Variants in ESR1 observed in about 807,000 individuals in gnomAD.
ESR1 encodes the protein estrogen receptor.
ESR1 carries 12 observed loss-of-function variants against 52.7 expected under a neutral mutation model. The ratio of observed to expected loss-of-function variants is 0.23; its 90% CI spans 0.15 to 0.37. ESR1 has a LOEUF of 0.37. Among genes scored for constraint, ESR1 ranks in the 10% least tolerant of loss-of-function variants. The pLI is 1.00. For missense variants in ESR1, 584 were observed against 779.7 expected (o/e 0.75, Z 2.99); for synonymous variants, 305 against 316.8 (o/e 0.96, Z 0.39).
At chr6:151,993,674 T>A (rs2041230531) in intron 4 of ESR1, among the ~76,000 whole-genome samples, 2 of 152,230 alleles carry the variant, frequency 1.3e-5, no homozygotes, top group South Asian at 4.1e-4. Flanking sequence ...TAACTTGCTT[T>A]ATTAACCAAT....
At chr6:151,907,038 C>T (rs755836397) in intron 3 of ESR1, among the ~76,000 whole-genome samples, 17 of 152,006 alleles carry the variant, frequency 1.1e-4, no homozygotes, top group Non-Finnish European at 1.9e-4. Flanking sequence ...AAGCTACCTC[C>T]ATTAGGCATG....
chr6:152,073,102 T>C (rs9397484), intron 6 of ESR1, among the ~76,000 whole-genome samples: 31,237 of 152,208 alleles, frequency 0.21, 4,426 homozygotes, highest in African/African-American at 0.39. Flanking sequence ...ACAGAAGCTT[T>C]AATTACAAAT....
At chr6:151,705,713 C>T (rs1780138358) in intron 2 of ESR1, among the ~76,000 whole-genome samples, 1 of 152,094 alleles carries the variant, frequency 6.6e-6, no homozygotes, top group Admixed American at 6.5e-5. Context: ...TTGCTTTAAT[C>T]TTGTCTCTAA....
intron 6 of ESR1, among the ~76,000 whole-genome samples, chr6:152,113,754 A>G (rs186852437): frequency 1.3e-5 from 2 of 152,332 alleles, no homozygotes; most frequent in South Asian, 2.1e-4. Context: ...AAATAGCGTT[A>G]ACTGTCCCTC....
chr6:152,096,521 C>A, intron 7 of ESR1: 1 of 408,510 alleles, frequency 2.4e-6, no homozygotes, highest in South Asian at 1.8e-5. Flanking sequence ...GGTATATGCC[C>A]CCAACATTAC....
chr6:151,802,674 A>G (rs77480311), upstream of ESR1, among the ~76,000 whole-genome samples: 3,537 of 152,294 alleles, frequency 0.023, 59 homozygotes, highest in African/African-American at 0.053. Context: ...ATGAAGATAC[A>G]AAGATAATCT....
At chr6:151,946,325 A>T (rs963250920) in intron 4 of ESR1, among the ~76,000 whole-genome samples, 5 of 152,194 alleles carry the variant, frequency 3.3e-5, no homozygotes, top group African/African-American at 9.6e-5. Flanking sequence ...AGACATTTTC[A>T]TGTGTATCAG....
At chr6:151,893,883 A>C (rs1379882908) in intron 3 of ESR1, among the ~76,000 whole-genome samples, 4 of 152,194 alleles carry the variant, frequency 2.6e-5, no homozygotes, top group Non-Finnish European at 5.9e-5. Flanking sequence ...CAGAGAAGTG[A>C]CTTTCTTAAT....
chr6:151,744,928 G>C (rs1302879357), intron 2 of ESR1, among the ~76,000 whole-genome samples: 1 of 152,066 alleles, frequency 6.6e-6, no homozygotes. Context: ...TTCTGCATGT[G>C]GCTATCCAGT....
chr6:151,809,119 TCTC>T (rs772117557), intron 1 of ESR1: 1 of 389,750 alleles, frequency 2.6e-6, no homozygotes, highest in South Asian at 1.9e-5. Flanking sequence ...TTAAAAATAA[TCTC>T]CTGCCAGCCC....
intron 2 of ESR1, among the ~76,000 whole-genome samples, chr6:151,741,212 CT>C (rs1463611980): frequency 1.3e-5 from 2 of 152,088 alleles, no homozygotes; most frequent in African/African-American, 4.8e-5. Context: ...CCTCTTCCTG[CT>C]TTTTTTCTTC....
intron 3 of ESR1, among the ~76,000 whole-genome samples, chr6:151,893,711 T>C (rs1422991743): frequency 6.6e-6 from 1 of 152,166 alleles, no homozygotes; most frequent in Non-Finnish European, 1.5e-5. Context: ...TTACATCTTA[T>C]TTTGGACCAG....
intron 2 of ESR1, among the ~76,000 whole-genome samples, chr6:151,867,403 T>A (rs145672501): frequency 8.7e-4 from 122 of 139,606 alleles, no homozygotes; most frequent in Admixed American, 1.8e-3. Context: ...TAGAAGGAAC[T>A]TCAACAAATT....
chr6:151,667,577 G>A (rs1367113963), intron 1 of ESR1, among the ~76,000 whole-genome samples: 1 of 152,218 alleles, frequency 6.6e-6, no homozygotes, highest in African/African-American at 2.4e-5. Flanking sequence ...CAAGAAGACA[G>A]GGATGTTGCT....
intron 5 of ESR1, among the ~76,000 whole-genome samples, chr6:152,045,574 AGTTTTTT>A (rs773695067): frequency 6.6e-6 from 1 of 152,086 alleles, no homozygotes; most frequent in Non-Finnish European, 1.5e-5. Flanking sequence ...TGTGGGCCTC[AGTTTTTT>A]GTTTTTTGTT....
chr6:151,785,520 A>G (rs1786936834), intron 2 of ESR1, among the ~76,000 whole-genome samples: 2 of 152,204 alleles, frequency 1.3e-5, no homozygotes, highest in Admixed American at 6.5e-5. Context: ...CCTACCTCAC[A>G]TGCTCTGAGG....
At chr6:151,942,925 A>G (rs1011324582) in intron 3 of ESR1, among the ~76,000 whole-genome samples, 5 of 152,176 alleles carry the variant, frequency 3.3e-5, no homozygotes, top group Admixed American at 1.3e-4. Context: ...TCTTTTTAAA[A>G]TAGTTGTTTT....
chr6:151,765,856 T>C (rs1403181842), intron 2 of ESR1, among the ~76,000 whole-genome samples: 3 of 152,210 alleles, frequency 2.0e-5, no homozygotes, highest in African/African-American at 7.2e-5. Context: ...CAAGAAACTC[T>C]AGGGTGAGAG....
downstream of ESR1, among the ~76,000 whole-genome samples, chr6:152,107,877 A>G (rs112091216): frequency 3.3e-5 from 5 of 152,034 alleles, no homozygotes; most frequent in African/African-American, 9.7e-5. Flanking sequence ...TCCTGTTTTT[A>G]TTTTTAAGCC....
Sources: allele counts gnomAD v4.1 joint callset (sites outside exome capture counted in the v4.1 genomes callset), GRCh38; gene constraint gnomAD v4.1.1; transcripts MANE v1.5; gene names NCBI Gene and HGNC (gene_info 2026-07-23, HGNC 2026-07-21).